Variants in ADAM10 observed in about 807,000 individuals in gnomAD.
ADAM10 encodes the protein ADAM metallopeptidase domain 10.
A neutral mutation model predicts 90.1 loss-of-function variants in ADAM10; 17 were observed. The observed-to-expected ratio is 0.19, with a 90% CI of 0.13 to 0.28. ADAM10 has a LOEUF of 0.28. ADAM10 is among the 10% of genes least tolerant of loss of function. ADAM10 has a pLI of 1.00. For synonymous variants in ADAM10, 310 were observed against 298.6 expected (o/e 1.04, Z -0.40); for missense variants, 610 against 914.3 (o/e 0.67, Z 4.29).
chr15:58,720,157 C>T (rs1436065287), intron 1 of ADAM10, among the ~76,000 whole-genome samples: 1 of 152,080 alleles, frequency 6.6e-6, no homozygotes, highest in Non-Finnish European at 1.5e-5. Flanking sequence ...ACAACAATGC[C>T]TACCTTAAAT....
intron 5 of ADAM10, among the ~76,000 whole-genome samples, chr15:58,663,812 T>C (rs1158365669): frequency 6.6e-6 from 1 of 152,130 alleles, no homozygotes; most frequent in Non-Finnish European, 1.5e-5. Context: ...TCTCTGACAT[T>C]ATTAACAATG....
chr15:58,609,077 T>C (rs1429810404), intron 14 of ADAM10: 1 of 152,136 alleles, frequency 6.6e-6, no homozygotes, highest in African/African-American at 2.4e-5. Context: ...AGTCACAGAA[T>C]TGATAAACAC....
intron 5 of ADAM10, among the ~76,000 whole-genome samples, chr15:58,647,338 G>A (rs1207855072): frequency 1.5e-5 from 2 of 135,642 alleles, no homozygotes; most frequent in Non-Finnish European, 3.1e-5. Flanking sequence ...TTGGCTCCCA[G>A]CAAGCTCCGC....
intron 8 of ADAM10, among the ~76,000 whole-genome samples, chr15:58,636,276 C>CAA (rs1188741361): frequency 5.6e-4 from 47 of 83,584 alleles, no homozygotes; most frequent in African/African-American, 1.5e-3. Context: ...GACTTCGTTT[C>CAA]AAAAAAAAAA....
intron 5 of ADAM10, among the ~76,000 whole-genome samples, chr15:58,656,663 T>C (rs1393173853): frequency 6.6e-6 from 1 of 152,094 alleles, no homozygotes; most frequent in Non-Finnish European, 1.5e-5. Context: ...CTTATTGTAG[T>C]GTCTATATCC....
At chr15:58,662,786 T>G (rs1421376433) in intron 5 of ADAM10, among the ~76,000 whole-genome samples, 1 of 152,208 alleles carries the variant, frequency 6.6e-6, no homozygotes, top group Non-Finnish European at 1.5e-5. Flanking sequence ...GCAACACCTG[T>G]GCAGATATCT....
intron 11 of ADAM10, 103 bp from the exon 12 acceptor site, chr15:58,612,094 T>G: frequency 8.5e-7 from 1 of 1,177,552 alleles, no homozygotes; most frequent in Non-Finnish European, 1.2e-6. Flanking sequence ...AGTACCAATT[T>G]TTAAATCCTA....
chr15:58,605,924 A>G (rs1172866853), intron 14 of ADAM10, among the ~76,000 whole-genome samples: 1 of 152,228 alleles, frequency 6.6e-6, no homozygotes, highest in African/African-American at 2.4e-5. Flanking sequence ...AAAAGAACCT[A>G]TATGGTAACA....
At chr15:58,647,622 C>T (rs1896585403) in intron 5 of ADAM10, among the ~76,000 whole-genome samples, 1 of 152,106 alleles carries the variant, frequency 6.6e-6, no homozygotes, top group Non-Finnish European at 1.5e-5. Flanking sequence ...GATCACAGCT[C>T]AATGCAGCCT....
Position 58,627,645 on chromosome 15 carries a change from A to T in ADAM10, c.1360+55T>A, listed in dbSNP as rs528184486. 2.6e-5 allele frequency: 40 copies of T among 1,513,852 alleles called. No homozygotes were observed. The South Asian group carries it at 4.5e-4, about 17-fold the overall frequency. The allele number at this position is 1,513,852 out of a possible 1,614,324, so 93.8% of individuals were successfully genotyped here. A position where few individuals can be genotyped will look rare whatever the true frequency, so the allele number is the denominator to read the frequency against. On this transcript the variant is annotated intron_variant, in intron 10 of 15. Transcript: ENST00000260408. ...CAGTAATCACTATAGAATTCTTTCA[A>T]GTTGTCTGAATGTTTGAAAATGTTC...
intron 11 of ADAM10, among the ~76,000 whole-genome samples, chr15:58,616,237 T>A (rs1057336583): frequency 6.6e-6 from 1 of 152,046 alleles, no homozygotes; most frequent in African/African-American, 2.4e-5. Context: ...AGACAGAAAA[T>A]CAAGAAACAC....
chr15:58,728,985 T>C (rs947365537), intron 1 of ADAM10, among the ~76,000 whole-genome samples: 3 of 152,272 alleles, frequency 2.0e-5, no homozygotes, highest in Admixed American at 6.5e-5. Flanking sequence ...AAAATATCCA[T>C]TGAGAAAACA....
At chr15:58,617,911 A>C (rs1895665023) in intron 11 of ADAM10, among the ~76,000 whole-genome samples, 2 of 152,090 alleles carry the variant, frequency 1.3e-5, no homozygotes, top group Non-Finnish European at 2.9e-5. Context: ...AAAAAAAAAA[A>C]ACACATTTCA....
At position 58,593,661 on chromosome 15, in the gene ADAM10, G is replaced by C. The variant is rs1894878844; in HGVS notation, c.*3886C>G. 5 of 152,036 alleles carry C rather than the reference G, an allele frequency of 3.3e-5. 1 individual carries two copies. Among genetic ancestry groups the C allele is most frequent in the Admixed American group, 3.3e-4 (5 of 15,260 alleles). 9.4% of individuals were successfully genotyped at this position (152,036 alleles called of 1,614,324 possible). Reference sequence around the variant, plus strand: ...TGTTCAATTCACCTTGTCCTTGTTGGATTACCCCACACCCTATCACTTTAG... The same window carrying C: ...TGTTCAATTCACCTTGTCCTTGTTGCATTACCCCACACCCTATCACTTTAG... On this transcript the variant is annotated 3_prime_UTR_variant, in exon 16 of 16. Transcript: ENST00000260408.
chr15:58,749,471 G>A lies in ADAM10; in HGVS notation c.55+9C>T, dbSNP rs766206352. 2 of 1,541,192 alleles carry A rather than the reference G, an allele frequency of 1.3e-6. No individual in the cohort carries two copies. Among genetic ancestry groups the A allele is most frequent in the Non-Finnish European group, 8.8e-7 (1 of 1,142,476 alleles). ...CGCGGCGCCCCCGGCGCTCGCAGTC[G>A]TGCCTCACCTCCCATCCCCGCCGCC... On this transcript the variant is annotated intron_variant, in intron 1 of 15. Transcript: ENST00000260408.
At chr15:58,633,064 A>C in intron 9 of ADAM10, 132 bp downstream of exon 9, 1 of 861,676 alleles carries the variant, frequency 1.2e-6, no homozygotes, top group Non-Finnish European at 1.8e-6. Context: ...GGTCAAATAC[A>C]TTACTGTGCT....
chr15:58,604,233 T>G (rs1035974427), intron 14 of ADAM10, among the ~76,000 whole-genome samples: 1 of 152,028 alleles, frequency 6.6e-6, no homozygotes, highest in South Asian at 2.1e-4. Flanking sequence ...TGATGGCAGG[T>G]GCCTGTAATC....
chr15:58,657,791 C>T (rs1484113457), intron 5 of ADAM10, among the ~76,000 whole-genome samples: 8 of 151,942 alleles, frequency 5.3e-5, no homozygotes, highest in Non-Finnish European at 8.8e-5. Flanking sequence ...TGAAGAGTTA[C>T]GTATTCACTG....
intron 10 of ADAM10, 33 bp from the exon 11 acceptor site, chr15:58,621,654 G>C (rs201584026): frequency 2.3e-4 from 364 of 1,611,712 alleles, no homozygotes; most frequent in Middle Eastern, 3.3e-4. Context: ...AGTAAGCATT[G>C]TGTGCACACA....
Sources: gnomAD v4.1 joint callset for allele counts (sites outside exome capture counted in the v4.1 genomes callset) on GRCh38, gnomAD v4.1.1 for gene constraint, MANE v1.5 for transcripts, NCBI Gene and HGNC (gene_info 2026-07-23, HGNC 2026-07-21) for gene names.